The following IFT80 variants were observed in gnomAD, a reference collection of about 807,000 sequenced individuals.
IFT80 encodes intraflagellar transport protein 80 homolog.
IFT80 carries 79 observed loss-of-function variants against 107.9 expected under a neutral mutation model. The ratio of observed to expected loss-of-function variants is 0.73; its 90% CI spans 0.61 to 0.88. The LOEUF (loss-of-function observed/expected upper bound fraction) is 0.88, where lower values mean the gene tolerates loss of function less well. Ranked by LOEUF, IFT80 falls within the 40% of genes least tolerant of loss-of-function variation. The pLI is 0.00. For synonymous variants in IFT80, 299 were observed against 300.9 expected (o/e 0.99, Z 0.07); for missense variants, 797 against 914.2 (o/e 0.87, Z 1.65).
At chr3:160,270,514 C>T (rs1174499355) in intron 18 of IFT80, among the ~76,000 whole-genome samples, 1 of 151,660 alleles carries the variant, frequency 6.6e-6, no homozygotes, top group East Asian at 1.9e-4. Flanking sequence ...TTGTGAAATC[C>T]AAGGGTCAGT....
chr3:160,272,765 A>T (rs1250016212), intron 18 of IFT80, among the ~76,000 whole-genome samples: 2 of 151,802 alleles, frequency 1.3e-5, no homozygotes, highest in East Asian at 3.9e-4. Flanking sequence ...TGTATATCCC[A>T]CTCCCTACTG....
chr3:160,341,497 T>G (rs974379977), intron 8 of IFT80, among the ~76,000 whole-genome samples: 8 of 152,070 alleles, frequency 5.3e-5, no homozygotes, highest in Non-Finnish European at 8.8e-5. Context: ...AGAAAAAAAT[T>G]ACCAAAATAG....
chr3:160,343,987 T>C (rs1342939128), intron 8 of IFT80, among the ~76,000 whole-genome samples: 1 of 152,206 alleles, frequency 6.6e-6, no homozygotes, highest in East Asian at 1.9e-4. Flanking sequence ...GTAATAGCTA[T>C]GTCAAAAGTT....
chr3:160,340,575 T>G (rs1329707719), intron 8 of IFT80, among the ~76,000 whole-genome samples: 1 of 152,194 alleles, frequency 6.6e-6, no homozygotes, highest in Non-Finnish European at 1.5e-5. Flanking sequence ...TTGCTGGCCA[T>G]TCATAGTTTC....
intron 14 of IFT80, 37 bp from the exon 15 acceptor site, chr3:160,280,851 T>G (rs1714635786): frequency 6.4e-7 from 1 of 1,571,220 alleles, no homozygotes; most frequent in African/African-American, 1.4e-5. Context: ...CTATTAGCTT[T>G]AATATGTAAG....
chr3:160,267,019 CTA>C (rs1308431080), intron 19 of IFT80, among the ~76,000 whole-genome samples: 1 of 152,050 alleles, frequency 6.6e-6, no homozygotes, highest in Non-Finnish European at 1.5e-5. Context: ...CACTTCAGTA[CTA>C]AGCAGGTTCC....
chr3:160,379,418 T>C (rs1396485255), intron 3 of IFT80, among the ~76,000 whole-genome samples: 2 of 152,180 alleles, frequency 1.3e-5, no homozygotes, highest in Admixed American at 6.5e-5. Flanking sequence ...ATTGCATCAG[T>C]GTTAAATGTC....
chr3:160,394,081 G>C (rs897657810), intron 1 of IFT80: 3 of 152,204 alleles, frequency 2.0e-5, no homozygotes, highest in Non-Finnish European at 2.9e-5. Context: ...ATTCAGATTG[G>C]TGCCATCACA....
chr3:160,360,155 C>G (rs7355951), intron 6 of IFT80, among the ~76,000 whole-genome samples: 59,714 of 152,018 alleles, frequency 0.39, 12,756 homozygotes, highest in Non-Finnish European at 0.49. Flanking sequence ...GTAGAGAAGA[C>G]CTTAAATGAC....
chr3:160,378,152 T>C (rs1318818282), intron 3 of IFT80, among the ~76,000 whole-genome samples: 1 of 152,124 alleles, frequency 6.6e-6, no homozygotes, highest in Admixed American at 6.6e-5. Context: ...TATAAAATTA[T>C]ATAAGGCAAG....
intron 6 of IFT80, among the ~76,000 whole-genome samples, chr3:160,358,350 A>G (rs1017068654): frequency 2.0e-5 from 3 of 151,284 alleles, no homozygotes; most frequent in Non-Finnish European, 2.9e-5. Flanking sequence ...CTGCACAAAC[A>G]TCTTTACTAC....
At chr3:160,307,946 A>G (rs974385835) in intron 9 of IFT80, among the ~76,000 whole-genome samples, 165 bp from the exon 10 acceptor site, 1 of 152,204 alleles carries the variant, frequency 6.6e-6, no homozygotes, top group Admixed American at 6.5e-5. Flanking sequence ...TATACCTAAT[A>G]TTAAAAAACC....
At chr3:160,335,622 A>C (rs1338413473) in intron 8 of IFT80, among the ~76,000 whole-genome samples, 1 of 152,192 alleles carries the variant, frequency 6.6e-6, no homozygotes, top group Non-Finnish European at 1.5e-5. Context: ...TTCTTTTTGC[A>C]TTCTATTTTT....
At chr3:160,357,053 A>G (rs554410330) in intron 7 of IFT80, among the ~76,000 whole-genome samples, 1 of 152,362 alleles carries the variant, frequency 6.6e-6, no homozygotes, top group African/African-American at 2.4e-5. Flanking sequence ...ATTAGGGGCT[A>G]TACTGATATT....
At chr3:160,397,115 A>T (rs1713837444) in intron 1 of IFT80, among the ~76,000 whole-genome samples, 2 of 152,324 alleles carry the variant, frequency 1.3e-5, no homozygotes, top group South Asian at 4.1e-4. Flanking sequence ...ACTGACTTCA[A>T]GGGTTTATAC....
At position 160,325,401 on chromosome 3, in the gene IFT80, A is replaced by C. The variant is rs191276881; in HGVS notation, c.778-5462T>G. 2.9e-3 allele frequency among the ~76,000 whole-genome samples: 439 copies of C among 152,252 alleles called. 2 individuals carry two copies. The highest frequency in any genetic ancestry group is 0.01 in the African/African-American group (425 of 41,574). ...CAGAAAGGAATGTCTTACTAAAATT[A>C]AACAGAAATATTTATCTAAGAACTT... is the stretch of plus-strand genomic sequence containing the variant. On this transcript the variant is annotated intron_variant, in intron 8 of 19. Transcript: ENST00000326448.
chr3:160,345,587 G>A lies in IFT80; in HGVS notation c.777+10426C>T, dbSNP rs57799389. On this transcript the variant is annotated intron_variant, in intron 8 of 19. Transcript: ENST00000326448. Reference sequence around the variant, plus strand: ...CAGGCAACTGTAATCTCAGCTACTCGGGAGGCTGAGGCAGAAGAATTGCTT... The same window carrying A: ...CAGGCAACTGTAATCTCAGCTACTCAGGAGGCTGAGGCAGAAGAATTGCTT... Among the ~76,000 whole-genome samples the A allele has an allele frequency of 8.4e-3, 1,268 of 151,798 alleles. 13 individuals are homozygous for A. Among genetic ancestry groups the A allele is most frequent in the African/African-American group, 0.03 (1,221 of 41,386 alleles).
intron 8 of IFT80, among the ~76,000 whole-genome samples, chr3:160,353,796 T>C (rs948235753): frequency 6.6e-6 from 1 of 152,204 alleles, no homozygotes; most frequent in Non-Finnish European, 1.5e-5. Context: ...TAAAAGTCTT[T>C]ATATCTTTTT....
chr3:160,294,558 C>G (rs1464579658), intron 12 of IFT80, among the ~76,000 whole-genome samples: 2 of 152,322 alleles, frequency 1.3e-5, no homozygotes, highest in East Asian at 3.9e-4. Context: ...TAATCAGTGT[C>G]TGAATTGAAT....
Sources: gnomAD v4.1 joint callset for allele counts (sites outside exome capture counted in the v4.1 genomes callset) on GRCh38, gnomAD v4.1.1 for gene constraint, MANE v1.5 for transcripts, NCBI Gene and HGNC (gene_info 2026-07-23, HGNC 2026-07-21) for gene names.